TANC2: variants seen among roughly 807,000 people sequenced by gnomAD.
TANC2 encodes the protein tetratricopeptide repeat, ankyrin repeat and coiled-coil containing 2, also known as protein TANC2.
In TANC2, 26 loss-of-function variants were observed where a neutral mutation model predicts 210.5. The observed-to-expected ratio is 0.12, with a 90% confidence interval of 0.09 to 0.17. The LOEUF (loss-of-function observed/expected upper bound fraction) is 0.17. Ranked by LOEUF, TANC2 falls within the 10% of genes least tolerant of loss-of-function variation. The pLI is 1.00. For missense variants in TANC2, 2,129 were observed against 2,608.9 expected, an observed-to-expected ratio of 0.82 and a Z score of 4.01; for synonymous variants, 931 against 967.1, an observed-to-expected ratio of 0.96 and a Z score of 0.69.
rs555078405 is a variant in TANC2 at position 63,415,338 on chromosome 17, G to A, written c.4021-190G>A. On this transcript the variant is annotated intron_variant, in intron 25 of 27. Coordinates refer to ENST00000689528, the Ensembl canonical transcript of TANC2. ...CCCCTCAACCTTGCCTTTCCTGCCA[G>A]GTGAGTTTCCTATAGAAAAGACTAG... is the stretch of plus-strand genomic sequence containing the variant. Among the ~76,000 whole-genome samples the A allele has an allele frequency of 8.4e-4, 128 of 152,338 alleles. 1 individual carries two copies. In the Middle Eastern group the frequency reaches 0.01, roughly 12 times the overall value.
chr17:63,339,099 T>C (rs1464784494), intron 11 of TANC2: 1 of 152,152 alleles, frequency 6.6e-6, no homozygotes, highest in African/African-American at 2.4e-5. Context: ...AGTATACAGA[T>C]CCTTAAGAAT....
chr17:62,984,385 A>G (rs937766276), intron 1 of TANC2, among the ~76,000 whole-genome samples: 5 of 151,596 alleles, frequency 3.3e-5, no homozygotes, highest in African/African-American at 1.2e-4. Context: ...ATGGTTTCTC[A>G]ATTTTGTTTC....
At chr17:63,158,454 G>C (rs1179976995) in intron 5 of TANC2, among the ~76,000 whole-genome samples, 2 of 152,184 alleles carry the variant, frequency 1.3e-5, no homozygotes, top group African/African-American at 4.8e-5. Flanking sequence ...GAAGAATTCT[G>C]TGGGAGCAAA....
intron 9 of TANC2, among the ~76,000 whole-genome samples, chr17:63,302,599 CTTTTTTTTTTTTTTTTT>C (rs568226580): frequency 8.8e-5 from 2 of 22,766 alleles, no homozygotes; most frequent in East Asian, 9.1e-4. Flanking sequence ...GCAACCCCTG[CTTTTTTTTTTTTTTTTT>C]TTTTTTTTTT....
At chr17:63,236,533 G>A (rs1003057064) in intron 7 of TANC2, among the ~76,000 whole-genome samples, 8 of 151,942 alleles carry the variant, frequency 5.3e-5, no homozygotes, top group Non-Finnish European at 1.2e-4. Flanking sequence ...TGAAGTACAA[G>A]GCAGTTTTGT....
chr17:63,310,715 A>G (rs931838043), intron 9 of TANC2, among the ~76,000 whole-genome samples: 2 of 152,250 alleles, frequency 1.3e-5, no homozygotes, highest in African/African-American at 2.4e-5. Context: ...ATTACTTTTC[A>G]TACTCAAAAT....
At chr17:63,281,987 T>C (rs2044072421) in intron 9 of TANC2, among the ~76,000 whole-genome samples, 1 of 152,064 alleles carries the variant, frequency 6.6e-6, no homozygotes, top group Non-Finnish European at 1.5e-5. Context: ...ACTTCTAGCC[T>C]CCAGAACTGT....
At chr17:63,230,880 T>TA in intron 7 of TANC2, among the ~76,000 whole-genome samples, 1 of 152,200 alleles carries the variant, frequency 6.6e-6, no homozygotes, top group South Asian at 2.1e-4. Flanking sequence ...AGTCTCCCAC[T>TA]ATTATTGTGT....
exon 28 of TANC2, chr17:63,426,660 C>A (rs1003031161): frequency 2.0e-5 from 3 of 152,270 alleles, no homozygotes; most frequent in Non-Finnish European, 4.4e-5. Flanking sequence ...TGTTTCCTCA[C>A]CCCATCATCT....
intron 9 of TANC2, among the ~76,000 whole-genome samples, chr17:63,269,306 G>A (rs2146279387): frequency 6.6e-6 from 1 of 152,234 alleles, no homozygotes; most frequent in East Asian, 1.9e-4. Context: ...ATATGCAACT[G>A]TGTGTTTACA....
At chr17:63,279,933 G>A (rs138786406) in intron 9 of TANC2, among the ~76,000 whole-genome samples, 7 of 152,034 alleles carry the variant, frequency 4.6e-5, no homozygotes, top group Non-Finnish European at 8.8e-5. Flanking sequence ...TGTTTTTTAC[G>A]AAAGATTATG....
exon 28 of TANC2, chr17:63,423,750 A>G (rs888662724): frequency 2.0e-5 from 3 of 152,232 alleles, no homozygotes; most frequent in African/African-American, 7.2e-5. Flanking sequence ...AAAACAGGCC[A>G]GGACTTGTCT....
At chr17:63,029,957 A>C (rs2034703550) in intron 2 of TANC2, among the ~76,000 whole-genome samples, 1 of 152,152 alleles carries the variant, frequency 6.6e-6, no homozygotes, top group Non-Finnish European at 1.5e-5. Context: ...GGTGAGTAAG[A>C]AAGTTGCTAA....
intron 9 of TANC2, among the ~76,000 whole-genome samples, chr17:63,295,878 C>T (rs538860974): frequency 6.6e-6 from 1 of 152,174 alleles, no homozygotes; most frequent in African/African-American, 2.4e-5. Context: ...CCCATAATTC[C>T]GTTTGTCAGG....
intron 14 of TANC2, among the ~76,000 whole-genome samples, chr17:63,363,673 T>A (rs2047028310): frequency 6.6e-6 from 1 of 152,206 alleles, no homozygotes; most frequent in African/African-American, 2.4e-5. Context: ...TCACTGTAGA[T>A]GTATGAATTT....
chr17:63,185,850 C>G (rs1165756873), intron 5 of TANC2, among the ~76,000 whole-genome samples: 1 of 152,036 alleles, frequency 6.6e-6, no homozygotes, highest in East Asian at 1.9e-4. Context: ...GATTGTCTTT[C>G]TTGTTGATTT....
chr17:63,192,271 A>C (rs2145736935), intron 5 of TANC2, among the ~76,000 whole-genome samples: 1 of 152,318 alleles, frequency 6.6e-6, no homozygotes, highest in East Asian at 1.9e-4. Context: ...TACCAGTCAA[A>C]CCAGATGAAA....
chr17:63,097,553 T>A (rs539061108), intron 3 of TANC2, among the ~76,000 whole-genome samples: 1 of 149,660 alleles, frequency 6.7e-6, no homozygotes, highest in Non-Finnish European at 1.5e-5. Flanking sequence ...ACAGTAACGA[T>A]AGCTGATAAG....
chr17:63,383,525 T>C (rs770739119), intron 15 of TANC2, among the ~76,000 whole-genome samples: 5 of 152,218 alleles, frequency 3.3e-5, no homozygotes, highest in Non-Finnish European at 7.3e-5. Flanking sequence ...CTACATGTCT[T>C]TTTTGGCTTG....
Sources: gnomAD v4.1 joint callset for allele counts (sites outside exome capture counted in the v4.1 genomes callset) on GRCh38, gnomAD v4.1.1 for gene constraint, MANE v1.5 for transcripts, NCBI Gene and HGNC (gene_info 2026-07-23, HGNC 2026-07-21) for gene names.